Variants in CELF2 observed in about 807,000 individuals in gnomAD.
CELF2 encodes the protein CUGBP Elav-like family member 2.
In CELF2, 8 loss-of-function variants were observed where a neutral mutation model predicts 62.6. The ratio of observed to expected loss-of-function variants is 0.13; its 90% CI spans 0.07 to 0.23. The LOEUF (loss-of-function observed/expected upper bound fraction) is 0.23, where lower values mean the gene tolerates loss of function less well. Ranked by LOEUF, CELF2 falls within the 10% of genes least tolerant of loss-of-function variation. CELF2 has a pLI of 1.00. For synonymous variants in CELF2, 258 were observed against 250.0 expected, an observed-to-expected ratio of 1.03 and a Z score of -0.30; for missense variants, 333 against 671.0, an observed-to-expected ratio of 0.50 and a Z score of 5.56.
At chr10:10,919,598 T>C (rs1273735809) in intron 1 of CELF2, among the ~76,000 whole-genome samples, 1 of 152,228 alleles carries the variant, frequency 6.6e-6, no homozygotes, top group Non-Finnish European at 1.5e-5. Flanking sequence ...TGGAGAAAGA[T>C]CATTGGTGCT....
the CELF2 span, among the ~76,000 whole-genome samples, chr10:10,714,877 TA>T: frequency 4.6e-3 from 666 of 145,544 alleles, 5 homozygotes; most frequent in Middle Eastern, 0.014. Context: ...AAGCCTTATT[TA>T]AAAAAAAAAA....
At chr10:10,826,291 G>A (rs2057383177) in intron 1 of CELF2, among the ~76,000 whole-genome samples, 1 of 152,076 alleles carries the variant, frequency 6.6e-6, no homozygotes, top group African/African-American at 2.4e-5. Flanking sequence ...TGTGTAACCT[G>A]CTTAGTTATT....
At chr10:11,160,538 G>A (rs1414519211) in intron 1 of CELF2, among the ~76,000 whole-genome samples, 1 of 150,666 alleles carries the variant, frequency 6.6e-6, no homozygotes, top group Non-Finnish European at 1.5e-5. Flanking sequence ...TTCCTTAGTT[G>A]CATTAGCCAC....
At position 11,249,597 on chromosome 10, in the gene CELF2, G is replaced by A. The variant is rs141089129; in HGVS notation, c.403+396G>A. Among the ~76,000 whole-genome samples, 152 of 152,306 alleles carry A rather than the reference G, an allele frequency of 1.0e-3. 1 individual carries two copies. Among genetic ancestry groups the A allele is most frequent in the African/African-American group, 3.4e-3 (143 of 41,558 alleles). ...TGAAGAATTAGGCTTTCTGTGGGTGGGGGAGGGGCGTTGGTTTTTGTTTTT... is the reference window on the plus strand; with the variant it reads ...TGAAGAATTAGGCTTTCTGTGGGTGAGGGAGGGGCGTTGGTTTTTGTTTTT... On this transcript the variant is annotated intron_variant, in intron 4 of 12. Coordinates refer to ENST00000633077, the MANE Select transcript of CELF2 (RefSeq NM_001326342.2).
chr10:10,984,902 C>G (rs1021898095), intron 2 of CELF2, among the ~76,000 whole-genome samples: 30 of 152,158 alleles, frequency 2.0e-4, no homozygotes, highest in African/African-American at 7.0e-4. Context: ...CTCATTCATT[C>G]TTTCAATTTT....
At chr10:10,805,908 G>A (rs1168960645) in intron 1 of CELF2, among the ~76,000 whole-genome samples, 2 of 152,114 alleles carry the variant, frequency 1.3e-5, no homozygotes, top group African/African-American at 2.4e-5. Flanking sequence ...TGCTAGATGG[G>A]GGAGCAATCA....
chr10:10,861,947 T>G (rs1029673413), intron 1 of CELF2, among the ~76,000 whole-genome samples: 7 of 152,202 alleles, frequency 4.6e-5, no homozygotes, highest in Admixed American at 4.6e-4. Flanking sequence ...CAACCTATTT[T>G]CTTTTTTATT....
At chr10:11,303,588 C>T (rs200401200) in intron 9 of CELF2, among the ~76,000 whole-genome samples, 6 of 152,304 alleles carry the variant, frequency 3.9e-5, no homozygotes, top group African/African-American at 7.2e-5. Context: ...CACGCCCATC[C>T]GCAGAGGCAG....
rs980431448 is a variant in CELF2, at chr10:11,280,213, C to T, written c.841+5093C>T. 1.3e-5 allele frequency among the ~76,000 whole-genome samples: 2 copies of T among 152,124 alleles called. No homozygotes were observed. Among genetic ancestry groups the T allele is most frequent in the African/African-American group, 4.8e-5 (2 of 41,428 alleles). ...AGAGGGGAACCAGAAAGAGGACTTC[C>T]GGATGAGCGGAAGTGAAGCCCGCTG... is the stretch of plus-strand genomic sequence containing the variant. On this transcript the variant is annotated intron_variant, in intron 8 of 12. Coordinates refer to ENST00000633077, the MANE Select transcript of CELF2 (RefSeq NM_001326342.2). The surrounding 1 kb of genome is among the most constrained non-coding windows in gnomAD (Gnocchi z 7.6).
chr10:10,539,470 C>T, the CELF2 span, among the ~76,000 whole-genome samples: 1 of 123,044 alleles, frequency 8.1e-6, no homozygotes, highest in Admixed American at 9.9e-5. Context: ...CACCTCTGTG[C>T]TACTTTAGGA....
chr10:11,291,859 T>C (rs368406420), intron 9 of CELF2, among the ~76,000 whole-genome samples: 1 of 152,346 alleles, frequency 6.6e-6, no homozygotes, highest in South Asian at 2.1e-4. Flanking sequence ...TCTGGTAATT[T>C]TGAGCGCTTG....
intron 5 of CELF2, among the ~76,000 whole-genome samples, chr10:11,264,208 G>A (rs1031382727): frequency 3.9e-5 from 6 of 152,230 alleles, no homozygotes; most frequent in African/African-American, 1.4e-4. Flanking sequence ...TATAGAAACA[G>A]AATTTTATTG....
At chr10:11,143,647 A>G (rs999219323) in intron 1 of CELF2, among the ~76,000 whole-genome samples, 3 of 152,194 alleles carry the variant, frequency 2.0e-5, no homozygotes, top group African/African-American at 7.2e-5. Flanking sequence ...TCAGGCCCCC[A>G]CACAGTTTAA....
intron 1 of CELF2, among the ~76,000 whole-genome samples, chr10:10,849,545 G>A (rs556356042): frequency 3.9e-5 from 6 of 152,228 alleles, no homozygotes; most frequent in East Asian, 1.9e-4. Flanking sequence ...TGAATCATTT[G>A]AGACTGAGTT....
intron 2 of CELF2, chr10:10,922,844 T>C (rs985783190): frequency 2.6e-5 from 4 of 152,216 alleles, no homozygotes; most frequent in African/African-American, 7.2e-5. Flanking sequence ...GTACTTCTAA[T>C]GTAGCTTCAG....
Position 11,178,395 on chromosome 10 carries a change from G to A in CELF2, c.271+12713G>A, listed in dbSNP as rs1224644505. Among the ~76,000 whole-genome samples, 5 of 152,204 alleles carry A rather than the reference G, an allele frequency of 3.3e-5. No homozygotes were observed. Among genetic ancestry groups the A allele is most frequent in the Non-Finnish European group, 7.4e-5 (5 of 68,026 alleles). Reference sequence around the variant, plus strand: ...TGGCAAACACGGGGCCCTTCCACCAGGCCCACTCCCTGCAAAGGAAGTGCT... The same window carrying A: ...TGGCAAACACGGGGCCCTTCCACCAAGCCCACTCCCTGCAAAGGAAGTGCT... On this transcript the variant is annotated intron_variant, in intron 2 of 12. Transcript: ENST00000633077. The surrounding 1 kb of genome is among the most constrained non-coding windows in gnomAD (Gnocchi z 4.3).
In CELF2 at chr10:11,110,762, G is replaced by A. The variant is rs914290337; in HGVS notation, c.75-54724G>A. ...GAATTCCAGAGTACAGTGTGCCCAC[G>A]GGAGGCCTCATCCGGGGGCAGTTTC... On this transcript the variant is annotated intron_variant, in intron 1 of 12. Transcript: ENST00000633077. The surrounding 1 kb of genome is among the most constrained non-coding windows in gnomAD (Gnocchi z 4.0). Among the ~76,000 whole-genome samples, 8 of 152,036 alleles carry A rather than the reference G, an allele frequency of 5.3e-5. No individual in the cohort carries two copies. The highest frequency in any genetic ancestry group is 1.2e-4 in the African/African-American group (5 of 41,392).
At chr10:10,499,129 C>G in the CELF2 span, among the ~76,000 whole-genome samples, 1 of 150,318 alleles carries the variant, frequency 6.7e-6, no homozygotes, top group Admixed American at 6.7e-5. Context: ...TTCAATGGCA[C>G]GATCTCAGCT....
intron 1 of CELF2, among the ~76,000 whole-genome samples, chr10:11,054,085 C>T (rs1223015164): frequency 6.6e-6 from 1 of 152,120 alleles, no homozygotes; most frequent in Admixed American, 6.5e-5. Flanking sequence ...TAGTAAGCAA[C>T]ACATAATTCA....
Sources: gnomAD v4.1 joint callset for allele counts (sites outside exome capture counted in the v4.1 genomes callset) on GRCh38, gnomAD v4.1.1 for gene constraint, Gnocchi (gnomAD v3.1) non-coding constraint, MANE v1.5 for transcripts, NCBI Gene and HGNC (gene_info 2026-07-23, HGNC 2026-07-21) for gene names.